The following SOX6 variants were observed in gnomAD, a reference collection of about 807,000 sequenced individuals.
SOX6 encodes the protein SRY-box transcription factor 6.
A neutral mutation model predicts 97.8 loss-of-function variants in SOX6; 11 were observed. The observed-to-expected ratio is 0.11, with a 90% CI of 0.07 to 0.19. SOX6 has a LOEUF of 0.19. SOX6 is among the 10% of genes least tolerant of loss of function. SOX6 has a pLI of 1.00. For missense variants in SOX6, 810 were observed against 1,039.5 expected (o/e 0.78, Z 3.04); for synonymous variants, 360 against 371.4 (o/e 0.97, Z 0.35).
intron 4 of SOX6, among the ~76,000 whole-genome samples, chr11:16,489,867 G>A (rs1389383413): frequency 1.3e-5 from 2 of 152,094 alleles, no homozygotes; most frequent in Non-Finnish European, 2.9e-5. Context: ...GGCAGATCTA[G>A]CTTCAAACCC....
intron 12 of SOX6, among the ~76,000 whole-genome samples, chr11:16,015,575 C>A (rs1486871334): frequency 6.6e-6 from 1 of 151,980 alleles, no homozygotes; most frequent in Non-Finnish European, 1.5e-5. Flanking sequence ...CTCAGAATTT[C>A]AACTGTGATT....
At chr11:16,062,547 G>A (rs1312582533) in intron 9 of SOX6, among the ~76,000 whole-genome samples, 1 of 151,576 alleles carries the variant, frequency 6.6e-6, no homozygotes, top group Non-Finnish European at 1.5e-5. Context: ...TTAAACTTAG[G>A]TGAAGACTGT....
chr11:16,239,658 G>A (rs1408188724), intron 3 of SOX6, among the ~76,000 whole-genome samples: 1 of 152,040 alleles, frequency 6.6e-6, no homozygotes. Context: ...AGCAGCAAGA[G>A]AAAGCATGCC....
intron 1 of SOX6, among the ~76,000 whole-genome samples, chr11:16,427,359 T>C (rs1443826726): frequency 6.6e-6 from 1 of 151,954 alleles, no homozygotes; most frequent in African/African-American, 2.4e-5. Context: ...CTTTAAGTTT[T>C]AGGGTACATG....
chr11:16,589,080 A>G (rs1032707408), intron 4 of SOX6, among the ~76,000 whole-genome samples: 1 of 152,100 alleles, frequency 6.6e-6, no homozygotes, highest in African/African-American at 2.4e-5. Flanking sequence ...CTCAACACTG[A>G]TCAATCTGTA....
chr11:16,562,401 A>C (rs1847825933), intron 4 of SOX6, among the ~76,000 whole-genome samples: 3 of 152,154 alleles, frequency 2.0e-5, no homozygotes, highest in Admixed American at 6.5e-5. Context: ...ATAGATACAG[A>C]AAAAAAGTCC....
intron 9 of SOX6, among the ~76,000 whole-genome samples, chr11:16,090,154 A>C (rs1192652144): frequency 6.6e-6 from 1 of 152,118 alleles, no homozygotes; most frequent in Non-Finnish European, 1.5e-5. Flanking sequence ...CACACACTGG[A>C]AGCTGCCTAT....
intron 6 of SOX6, among the ~76,000 whole-genome samples, chr11:16,172,129 T>A (rs1851056932): frequency 6.6e-6 from 1 of 151,454 alleles, no homozygotes; most frequent in Admixed American, 6.6e-5. Flanking sequence ...ACTTAACACA[T>A]CTCTTTTCAA....
chr11:16,519,914 T>C (rs1298142479), intron 4 of SOX6, among the ~76,000 whole-genome samples: 1 of 152,186 alleles, frequency 6.6e-6, no homozygotes, highest in Non-Finnish European at 1.5e-5. Context: ...TGCTAACTCA[T>C]TGTGGTTTTT....
intron 2 of SOX6, among the ~76,000 whole-genome samples, chr11:16,330,999 T>C (rs12801635): frequency 0.17 from 26,054 of 152,178 alleles, 2,738 homozygotes; most frequent in Admixed American, 0.29. Flanking sequence ...GGAGTGATTA[T>C]GCAGAAGTTG....
At chr11:16,336,449 C>G (rs1165698000) in intron 2 of SOX6, among the ~76,000 whole-genome samples, 1 of 152,126 alleles carries the variant, frequency 6.6e-6, no homozygotes, top group Non-Finnish European at 1.5e-5. Context: ...ATTTTGTCTT[C>G]TTCAGAATCT....
At chr11:16,089,883 T>A (rs549227682) in intron 9 of SOX6, among the ~76,000 whole-genome samples, 1 of 152,250 alleles carries the variant, frequency 6.6e-6, no homozygotes, top group South Asian at 2.1e-4. Flanking sequence ...TATTCCATGG[T>A]TGGAAACAGA....
intron 3 of SOX6, among the ~76,000 whole-genome samples, chr11:16,280,794 A>C (rs1854536213): frequency 1.3e-5 from 2 of 152,136 alleles, no homozygotes; most frequent in African/African-American, 4.8e-5. Flanking sequence ...AAAGGTGTTC[A>C]TATTGTATGG....
At chr11:16,462,615 T>C (rs1859952106) in intron 1 of SOX6, among the ~76,000 whole-genome samples, 1 of 152,228 alleles carries the variant, frequency 6.6e-6, no homozygotes, top group East Asian at 1.9e-4. Flanking sequence ...CTCTCAATTG[T>C]ATTTATTAAT....
chr11:16,504,565 TG>T (rs1860756209), intron 4 of SOX6, among the ~76,000 whole-genome samples: 1 of 128,984 alleles, frequency 7.8e-6, no homozygotes, highest in Non-Finnish European at 1.7e-5. Context: ...AAACCACTGA[TG>T]GAAAAAAAAA....
intron 1 of SOX6, among the ~76,000 whole-genome samples, chr11:16,366,664 TA>T (rs781222337): frequency 3.3e-5 from 5 of 152,172 alleles, no homozygotes; most frequent in Non-Finnish European, 7.4e-5. Flanking sequence ...CATTGAGATA[TA>T]CACAAATTTA....
intron 2 of SOX6, among the ~76,000 whole-genome samples, chr11:16,729,377 T>C (rs758628338): frequency 3.3e-5 from 5 of 152,168 alleles, no homozygotes; most frequent in African/African-American, 1.2e-4. Flanking sequence ...TAACAGCAGA[T>C]CTCTCTGCAG....
At chr11:16,409,321 G>A (rs1858749282) in intron 1 of SOX6, among the ~76,000 whole-genome samples, 1 of 150,974 alleles carries the variant, frequency 6.6e-6, no homozygotes, top group South Asian at 2.1e-4. Context: ...AGGATTGGGG[G>A]AAAACAGCTA....
At chr11:16,669,105 T>C (rs1847829047) in intron 3 of SOX6, among the ~76,000 whole-genome samples, 1 of 152,148 alleles carries the variant, frequency 6.6e-6, no homozygotes, top group Non-Finnish European at 1.5e-5. Context: ...CCTCAGCACA[T>C]GGATCATTCT....
Sources: allele counts gnomAD v4.1 joint callset (sites outside exome capture counted in the v4.1 genomes callset), GRCh38; gene constraint gnomAD v4.1.1; transcripts MANE v1.5; gene names NCBI Gene and HGNC (gene_info 2026-07-23, HGNC 2026-07-21).